Variants in GRK3 observed in about 807,000 individuals in gnomAD.
The protein encoded by GRK3 is G protein-coupled receptor kinase 3.
GRK3 carries 54 observed loss-of-function variants against 95.7 expected under a neutral mutation model. The observed-to-expected ratio is 0.56, with a 90% CI of 0.45 to 0.71. The LOEUF is 0.71. Ranked by LOEUF, GRK3 falls within the 30% of genes least tolerant of loss-of-function variation. The pLI, the probability that GRK3 is intolerant of heterozygous loss-of-function variation, is 0.00. For synonymous variants in GRK3, 281 were observed against 290.8 expected (o/e 0.97, Z 0.34); for missense variants, 649 against 851.2 (o/e 0.76, Z 2.96).
At chr22:25,624,184 C>T (rs1029743317) in intron 2 of GRK3, among the ~76,000 whole-genome samples, 1 of 152,168 alleles carries the variant, frequency 6.6e-6, no homozygotes, top group Non-Finnish European at 1.5e-5. Flanking sequence ...CACCCCGCAT[C>T]TGCTTTCAGT....
At chr22:25,615,064 T>C (rs2084527849) in intron 2 of GRK3, among the ~76,000 whole-genome samples, 3 of 152,214 alleles carry the variant, frequency 2.0e-5, no homozygotes, top group Non-Finnish European at 4.4e-5. Context: ...AAGAGCCTAC[T>C]GGTCATTTTC....
rs773913546 is a variant in GRK3, at chr22:25,702,089, C to CTT, written c.1161-1410_1161-1409dup. 9.1e-5 allele frequency among the ~76,000 whole-genome samples: 13 copies of CTT among 143,150 alleles called. No individual in the cohort carries two copies. In the East Asian group the frequency reaches 1.4e-3, roughly 16 times the overall value. 93.9% of individuals were successfully genotyped at this position (143,150 alleles called of 152,430 possible). Reference sequence around the variant, plus strand: ...GGGTGCTAATTTACCTTGTTTTGATCTTTTTTTTTTTTCCCAAATTAATGC... The same window carrying CTT: ...GGGTGCTAATTTACCTTGTTTTGATCTTTTTTTTTTTTTTCCCAAATTAATGC... On this transcript the variant is annotated intron_variant, in intron 13 of 20. Coordinates refer to ENST00000324198, the MANE Select transcript of GRK3 (RefSeq NM_005160.4).
At chr22:25,603,783 C>T (rs913535452) in intron 1 of GRK3, among the ~76,000 whole-genome samples, 1 of 152,034 alleles carries the variant, frequency 6.6e-6, no homozygotes, top group African/African-American at 2.4e-5. Context: ...TTAATGTCTC[C>T]CAATACAATT....
At position 25,644,592 on chromosome 22, in the gene GRK3, G is replaced by T; in HGVS notation, c.191G>T (p.Gly64Val). 6.6e-7 allele frequency: 1 copy of T among 1,506,330 alleles called. No individual in the cohort carries two copies. 93.3% of individuals were successfully genotyped at this position (1,506,330 alleles called of 1,614,324 possible). ...TFDKIFNQKIGFLLFKDFCLN... is the reference protein window; with the variant it reads ...TFDKIFNQKIVFLLFKDFCLN... The stretch of plus-strand genomic sequence containing the variant: ...GAAATTTTTTATTTTTTTCCTTTAG[G>T]TTTCTTGCTATTTAAAGATTTTTGT... Residue 64 changes from glycine to valine, a missense_variant and splice_region_variant, in exon 3 of 21, where the codon GGT becomes GTT. Gly to Val is a moderately radical substitution (Grantham distance 109). Coordinates refer to ENST00000324198, the MANE Select transcript of GRK3 (RefSeq NM_005160.4).
At chr22:25,627,688 T>A (rs1308245192) in intron 2 of GRK3, among the ~76,000 whole-genome samples, 2 of 152,150 alleles carry the variant, frequency 1.3e-5, no homozygotes, top group Non-Finnish European at 2.9e-5. Flanking sequence ...ACAGACCACT[T>A]CCCTCTTGTA....
chr22:25,654,644 A>G (rs138196163), intron 3 of GRK3, among the ~76,000 whole-genome samples: 1 of 152,198 alleles, frequency 6.6e-6, no homozygotes, highest in Non-Finnish European at 1.5e-5. Context: ...AAAAACTTCA[A>G]CTCTCCAGTT....
chr22:25,590,546 G>T (rs1270645399), intron 1 of GRK3, among the ~76,000 whole-genome samples: 3 of 152,200 alleles, frequency 2.0e-5, no homozygotes, highest in Non-Finnish European at 4.4e-5. Context: ...AACAGGCCGG[G>T]CGCGGTGGCT....
intron 10 of GRK3, among the ~76,000 whole-genome samples, chr22:25,687,122 G>GTT: frequency 6.8e-6 from 1 of 147,162 alleles, no homozygotes; most frequent in Non-Finnish European, 1.5e-5. Flanking sequence ...GCCCAGCCTA[G>GTT]TTTTTTTTTT....
rs6004738 is a variant in GRK3, at chr22:25,676,985, C to T, written c.648-1831C>T. 7.9e-5 allele frequency among the ~76,000 whole-genome samples: 12 copies of T among 152,252 alleles called. No homozygotes were observed. In the South Asian group the frequency reaches 2.5e-3, roughly 32 times the overall value. On this transcript the variant is annotated intron_variant, in intron 8 of 20. Coordinates refer to ENST00000324198, the MANE Select transcript of GRK3 (RefSeq NM_005160.4). ...CTGTTAGGTAGCTCTTTGATACCTT[C>T]TAAACAGAGGCCCAAGAATGCACTT...
rs1032121226 is a variant in GRK3 at position 25,690,214 on chromosome 22, A to G, written c.983A>G (p.His328Arg). ...LKPANILLDE[H>R]GHARISDLGL... The stretch of plus-strand genomic sequence containing the variant: ...CCAGCAAATATTCTCTTGGATGAAC[A>G]TGGACACGCAAGAATATCAGATCTT... Residue 328 changes from histidine to arginine, a missense_variant, in exon 12 of 21, where the codon CAT becomes CGT. Physicochemically the swap from His to Arg is conservative, Grantham distance 29. Coordinates refer to ENST00000324198, the MANE Select transcript of GRK3 (RefSeq NM_005160.4). 3 of 1,614,124 alleles carry G rather than the reference A, an allele frequency of 1.9e-6. No individual in the cohort carries two copies. Among genetic ancestry groups the G allele is most frequent in the Non-Finnish European group, 2.5e-6 (3 of 1,179,950 alleles).
Position 25,725,342 on chromosome 22 carries a change from T to C in GRK3, c.*2892T>C. The C allele has an allele frequency of 2.6e-6, 1 of 387,762 alleles. No individual in the cohort carries two copies. The highest frequency in any genetic ancestry group is 4.5e-6 in the Non-Finnish European group (1 of 220,000). The allele number at this position is 387,762 out of a possible 1,614,324, so 24.0% of individuals were successfully genotyped here. On this transcript the variant is annotated 3_prime_UTR_variant, in exon 21 of 21. Coordinates refer to ENST00000324198, the MANE Select transcript of GRK3 (RefSeq NM_005160.4). ...AAAATCATGCGGTAATAAGTCTTGA[T>C]TTCATGATTCAAAAGAATCAATAAA...
At chr22:25,677,395 AAAAAAAG>A (rs1569190611) in intron 8 of GRK3, among the ~76,000 whole-genome samples, 3 of 150,634 alleles carry the variant, frequency 2.0e-5, no homozygotes, top group East Asian at 1.9e-4. Context: ...AAAAAAAAAA[AAAAAAAG>A]AAAAGGAAAA....
chr22:25,696,949 C>T (rs1004095542), intron 13 of GRK3, among the ~76,000 whole-genome samples: 1 of 152,206 alleles, frequency 6.6e-6, no homozygotes, highest in African/African-American at 2.4e-5. Flanking sequence ...AAAGCCATTT[C>T]CCCTATGAGA....
intron 1 of GRK3, among the ~76,000 whole-genome samples, chr22:25,593,205 A>T (rs1365965702): frequency 6.6e-6 from 1 of 151,914 alleles, no homozygotes; most frequent in Non-Finnish European, 1.5e-5. Flanking sequence ...ATTCAGTAAT[A>T]GGATTGCTGG....
At chr22:25,589,162 TATTA>T (rs778199265) in intron 1 of GRK3, among the ~76,000 whole-genome samples, 102 of 152,360 alleles carry the variant, frequency 6.7e-4, no homozygotes, top group African/African-American at 1.9e-3. Context: ...ATATGTTACC[TATTA>T]ATTAAAATAT....
At chr22:25,685,311 A>G (rs1391250894) in intron 10 of GRK3, 63 bp downstream of exon 10, 5 of 1,287,484 alleles carry the variant, frequency 3.9e-6, no homozygotes, top group Non-Finnish European at 4.5e-6. Flanking sequence ...AAATCTTAGC[A>G]TGCATTAATC....
intron 2 of GRK3, among the ~76,000 whole-genome samples, chr22:25,616,890 A>G (rs1601476965): frequency 6.6e-6 from 1 of 152,290 alleles, no homozygotes; most frequent in East Asian, 1.9e-4. Flanking sequence ...ACAGTGGGCC[A>G]TTTGCTGGAG....
intron 2 of GRK3, among the ~76,000 whole-genome samples, chr22:25,621,324 G>A (rs1009062098): frequency 3.9e-5 from 6 of 152,116 alleles, no homozygotes; most frequent in Non-Finnish European, 7.4e-5. Context: ...CTGGGTTATG[G>A]GCACCTTACT....
intron 18 of GRK3, among the ~76,000 whole-genome samples, chr22:25,715,582 G>A (rs920137985): frequency 7.2e-5 from 11 of 152,210 alleles, no homozygotes; most frequent in African/African-American, 2.2e-4. Context: ...CATCAAGTAG[G>A]AAACATAAGT....
Sources: gnomAD v4.1 joint callset for allele counts (sites outside exome capture counted in the v4.1 genomes callset) on GRCh38, gnomAD v4.1.1 for gene constraint, MANE v1.5 for transcripts, NCBI Gene and HGNC (gene_info 2026-07-23, HGNC 2026-07-21) for gene names.